ANKRD50: variants seen among roughly 807,000 people sequenced by gnomAD.
The protein encoded by ANKRD50 is ankyrin repeat domain 50, also known as ankyrin repeat domain-containing protein 50.
ANKRD50 carries 40 observed loss-of-function variants against 112.0 expected under a neutral mutation model. That is an observed-to-expected ratio of 0.36 (90% CI 0.28 to 0.46). The LOEUF (loss-of-function observed/expected upper bound fraction) is 0.46. Ranked by LOEUF, ANKRD50 falls within the 20% of genes least tolerant of loss-of-function variation. The pLI is 1.00. For synonymous variants in ANKRD50, 613 were observed against 619.1 expected, an observed-to-expected ratio of 0.99 and a Z score of 0.15; for missense variants, 1,487 against 1,701.7, an observed-to-expected ratio of 0.87 and a Z score of 2.22.
chr4:124,700,493 T>C (rs1007182553), intron 2 of ANKRD50, among the ~76,000 whole-genome samples: 5 of 152,166 alleles, frequency 3.3e-5, no homozygotes, highest in African/African-American at 9.7e-5. Context: ...GTGATAGAGA[T>C]AGAGAGAAGT....
At position 124,710,583 on chromosome 4, in the gene ANKRD50, A is replaced by T. The variant is rs1725607785; in HGVS notation, c.-72T>A. On this transcript the variant is annotated 5_prime_UTR_variant, in exon 2 of 5. Coordinates refer to ENST00000504087, the MANE Select transcript of ANKRD50 (RefSeq NM_020337.3). ...AGGTCTTTCCATCCATTATGACATA[A>T]CTTGTATATTAAGTTGACTCTGAAG... 1 of 1,482,100 alleles carries T rather than the reference A, an allele frequency of 6.7e-7. No homozygotes were observed. Among genetic ancestry groups the T allele is most frequent in the Middle Eastern group, 1.8e-4 (1 of 5,552 alleles). 91.8% of individuals were successfully genotyped at this position (1,482,100 alleles called of 1,614,324 possible).
chr4:124,692,152 A>G (rs926688609), intron 2 of ANKRD50, among the ~76,000 whole-genome samples: 2 of 151,632 alleles, frequency 1.3e-5, no homozygotes, highest in African/African-American at 4.8e-5. Flanking sequence ...CTCATTATGT[A>G]TATGAGAATA....
At chr4:124,691,063 A>G (rs1180166853) in intron 2 of ANKRD50, among the ~76,000 whole-genome samples, 1 of 152,214 alleles carries the variant, frequency 6.6e-6, no homozygotes, top group Non-Finnish European at 1.5e-5. Context: ...AGAGAAAGGA[A>G]GAAAGGACAA....
chr4:124,669,136 C>T lies in ANKRD50; in HGVS notation c.4141G>A (p.Val1381Ile). The change falls in exon 4 of 5, where the codon GTC becomes ATC. Residue 1381 changes from valine (V) to isoleucine (I), a missense_variant. Val to Ile is a conservative substitution (Grantham distance 29). Around this residue, in one of 2 missense-constraint regions of ANKRD50, gnomAD observed 441 missense variants for 432.2 expected, o/e 1.02. Coordinates refer to ENST00000504087, the MANE Select transcript of ANKRD50 (RefSeq NM_020337.3). ...SNQVFLGRVS[V>I]PRTMQDRGHQ... Reference sequence around the variant, plus strand: ...CCTCTATCTTGCATTGTTCGTGGGACTGAAACCCTACCAAGAAAAACCTGG... The same window carrying T: ...CCTCTATCTTGCATTGTTCGTGGGATTGAAACCCTACCAAGAAAAACCTGG... The T allele has an allele frequency of 6.2e-7, 1 of 1,613,670 alleles. No individual in the cohort carries two copies. Among genetic ancestry groups the T allele is most frequent in the South Asian group, 1.1e-5 (1 of 91,046 alleles).
At chr4:124,702,818 G>C (rs1725419732) in intron 2 of ANKRD50, among the ~76,000 whole-genome samples, 1 of 151,970 alleles carries the variant, frequency 6.6e-6, no homozygotes, top group Admixed American at 6.6e-5. Flanking sequence ...CAATACTTTA[G>C]CCCTAATACT....
intron 2 of ANKRD50, among the ~76,000 whole-genome samples, chr4:124,705,117 C>CA (rs1311365879): frequency 6.6e-6 from 1 of 151,720 alleles, no homozygotes; most frequent in Non-Finnish European, 1.5e-5. Context: ...AACAAACAAA[C>CA]AAAAAAACTG....
rs183552981 is a variant in ANKRD50 at position 124,692,044 on chromosome 4, A to T, written c.513-13139T>A. On this transcript the variant is annotated intron_variant, in intron 2 of 4. Coordinates refer to ENST00000504087, the MANE Select transcript of ANKRD50 (RefSeq NM_020337.3). ...CACACACAGTTTATTTGTGTTCCCA[A>T]GGGAAAAATAAAAAATTACCTTCAG... 3.3e-5 allele frequency among the ~76,000 whole-genome samples: 5 copies of T among 152,354 alleles called. No homozygotes were observed. The East Asian group carries it at 5.8e-4, about 18-fold the overall frequency.
At chr4:124,696,798 GAATA>G (rs1265926806) in intron 2 of ANKRD50, among the ~76,000 whole-genome samples, 1 of 152,062 alleles carries the variant, frequency 6.6e-6, no homozygotes, top group Non-Finnish European at 1.5e-5. Context: ...TATTAAACAT[GAATA>G]TATACATTTA....
At chr4:124,706,280 A>G (rs1476330042) in intron 2 of ANKRD50, among the ~76,000 whole-genome samples, 1 of 152,098 alleles carries the variant, frequency 6.6e-6, no homozygotes. Flanking sequence ...ATTATTTGTC[A>G]TACAAATAAA....
At chr4:124,698,242 G>GATCCATACTCTAC (rs1476242985) in intron 2 of ANKRD50, among the ~76,000 whole-genome samples, 2 of 152,024 alleles carry the variant, frequency 1.3e-5, no homozygotes, top group Non-Finnish European at 2.9e-5. Flanking sequence ...TTAGAGTATA[G>GATCCATACTCTAC]ATCCATACTC....
In ANKRD50 at chr4:124,669,756, C is replaced by T. The variant is rs753523756; in HGVS notation, c.3521G>A (p.Arg1174Gln). The T allele has an allele frequency of 1.3e-5, 21 of 1,613,280 alleles. 1 individual carries two copies. Among genetic ancestry groups the T allele is most frequent in the Middle Eastern group, 1.7e-4 (1 of 6,054 alleles). ...PSESPDSTVD[R>Q]QKSSLSNNSL... ...ATTATTTGACAGTGATGACTTCTGC[C>T]GGTCAACTGTAGAATCTGGAGATTC... The change falls in exon 4 of 5, where the codon CGG (arginine) becomes CAG (glutamine). Residue 1174 changes from arginine (R) to glutamine (Q), a missense_variant. Transcript: ENST00000504087.
chr4:124,670,035 G>A lies in ANKRD50; in HGVS notation c.3242C>T (p.Ala1081Val). 1 of 1,611,628 alleles carries A rather than the reference G, an allele frequency of 6.2e-7. No individual in the cohort carries two copies. The highest frequency in any genetic ancestry group is 2.2e-5 in the East Asian group (1 of 44,846). Residue 1081 changes from alanine (A) to valine (V), a missense_variant, in exon 4 of 5, where the codon GCT becomes GTT. By Grantham distance (64) the Ala-to-Val change is moderately conservative. Around this residue, in one of 2 missense-constraint regions of ANKRD50, gnomAD observed 441 missense variants for 432.2 expected, o/e 1.02. Coordinates refer to ENST00000504087, the MANE Select transcript of ANKRD50 (RefSeq NM_020337.3). ...TCCATTTTTGGCTGCAACACGCATA[G>A]CAGTGCGTCCAAATTGATCAGCATG... Reference protein sequence around the residue: ...PNHADQFGRTAMRVAAKNGHS... With the variant: ...PNHADQFGRTVMRVAAKNGHS...
rs1370071136 is a variant in ANKRD50 at position 124,665,881 on chromosome 4, A to G, written c.*1637T>C. On this transcript the variant is annotated 3_prime_UTR_variant, in exon 5 of 5. Transcript: ENST00000504087. The stretch of plus-strand genomic sequence containing the variant: ...ACAATAAGATTCAAGTGAAACATTT[A>G]TCATAATTATACATTTCTATTTCCA... 1 of 152,350 alleles carries G rather than the reference A, an allele frequency of 6.6e-6. No individual in the cohort carries two copies. Among genetic ancestry groups the G allele is most frequent in the Non-Finnish European group, 1.5e-5 (1 of 67,914 alleles). 9.4% of individuals were successfully genotyped at this position (152,350 alleles called of 1,614,324 possible).
chr4:124,694,745 G>T (rs1316027792), intron 2 of ANKRD50, among the ~76,000 whole-genome samples: 2 of 152,134 alleles, frequency 1.3e-5, no homozygotes, highest in Admixed American at 1.3e-4. Flanking sequence ...GTTAGTATCA[G>T]CTTGGAGTAG....
At chr4:124,709,926 A>C in intron 2 of ANKRD50, 74 bp downstream of exon 2, 2 of 1,527,498 alleles carry the variant, frequency 1.3e-6, no homozygotes, top group Non-Finnish European at 1.8e-6. Flanking sequence ...ACAAAGTTAA[A>C]ACAAAAAACT....
At chr4:124,689,295 G>C (rs34348208) in intron 2 of ANKRD50, among the ~76,000 whole-genome samples, 27,705 of 152,086 alleles carry the variant, frequency 0.18, 2,619 homozygotes, top group South Asian at 0.24. Flanking sequence ...ATTCATTCCA[G>C]TGTCACGTCT....
chr4:124,709,885 G>A (rs1725589690), intron 2 of ANKRD50, 115 bp downstream of exon 2: 13 of 1,401,646 alleles, frequency 9.3e-6, no homozygotes, highest in Non-Finnish European at 1.1e-5. Flanking sequence ...TCAGATTAAG[G>A]CCAAATGTAC....
rs1730562849 is a variant in ANKRD50, at chr4:124,669,011, GT to G, written c.4265del (p.Asn1422ThrfsTer35). ...TTTATAATGGTGTTTCCTTTTTATA[GT>G]TGAAGCTAGGGTCAGAACCTTCAAT... ...LQIEGSDPSFNYKKETPL is the reference protein window; with the variant it reads ...LQIEGSDPSFXYKKETPL On this transcript the variant is annotated frameshift_variant, in exon 4 of 5. Transcript: ENST00000504087. LOFTEE classifies it low-confidence loss of function (END_TRUNC). 1.2e-6 allele frequency: 2 copies of G among 1,605,032 alleles called. No homozygotes were observed. Among genetic ancestry groups the G allele is most frequent in the Non-Finnish European group, 1.7e-6 (2 of 1,177,740 alleles).
chr4:124,707,377 G>A (rs573012168), intron 2 of ANKRD50, among the ~76,000 whole-genome samples: 3 of 152,050 alleles, frequency 2.0e-5, no homozygotes, highest in Admixed American at 2.0e-4. Context: ...ATAAAATCTT[G>A]AATTATTTGT....
Sources: gnomAD v4.1 joint callset for allele counts (sites outside exome capture counted in the v4.1 genomes callset) on GRCh38, gnomAD v4.1.1 for gene constraint, gnomAD v4.1.1 regional missense constraint, MANE v1.5 for transcripts, NCBI Gene and HGNC (gene_info 2026-07-23, HGNC 2026-07-21) for gene names.